Variants in ARHGAP22 observed in about 807,000 individuals in gnomAD.
ARHGAP22 encodes the protein Rho GTPase activating protein 22.
Under a neutral mutation model 59.1 loss-of-function variants are expected in ARHGAP22, and 48 were observed. That is an observed-to-expected ratio of 0.81 (90% CI 0.64 to 1.03). The LOEUF is 1.03. ARHGAP22 is among the 50% of genes least tolerant of loss of function. ARHGAP22 has a pLI of 0.00. For missense variants in ARHGAP22, 1,015 were observed against 958.7 expected (o/e 1.06, Z -0.78); for synonymous variants, 445 against 416.4 (o/e 1.07, Z -0.84).
chr10:48,618,302 C>G (rs763498928), intron 1 of ARHGAP22, among the ~76,000 whole-genome samples: 3 of 151,894 alleles, frequency 2.0e-5, no homozygotes, highest in Non-Finnish European at 2.9e-5. Context: ...TTAAACTATT[C>G]CAGAAAATAC....
chr10:48,456,055 G>A (rs60090533), intron 5 of ARHGAP22, among the ~76,000 whole-genome samples: 14,059 of 152,146 alleles, frequency 0.092, 735 homozygotes, highest in Middle Eastern at 0.23. Context: ...TCCTGTGTGG[G>A]GTCTGCAGTT....
chr10:48,530,329 T>C (rs1331469792), intron 3 of ARHGAP22, among the ~76,000 whole-genome samples: 1 of 150,172 alleles, frequency 6.7e-6, no homozygotes, highest in Non-Finnish European at 1.5e-5. Context: ...AAGATAACAT[T>C]GGAAAAACCC....
At chr10:48,517,408 G>A (rs1385768305) in intron 3 of ARHGAP22, among the ~76,000 whole-genome samples, 1 of 152,158 alleles carries the variant, frequency 6.6e-6, no homozygotes, top group African/African-American at 2.4e-5. Flanking sequence ...TTTCATTGAG[G>A]TGTTCCCCAT....
At chr10:48,437,910 TA>T in the ARHGAP22 span, 2 of 152,202 alleles carry the variant, frequency 1.3e-5, no homozygotes, top group African/African-American at 4.8e-5. Context: ...CTGTGTTGTC[TA>T]AAAGATGGAG....
chr10:48,507,131 G>A (rs966663206), intron 3 of ARHGAP22, among the ~76,000 whole-genome samples: 12 of 152,228 alleles, frequency 7.9e-5, no homozygotes, highest in African/African-American at 2.4e-4. Flanking sequence ...TGCAGAGCCA[G>A]AAAAGCTGCC....
At chr10:48,593,621 G>C (rs547115411) in intron 1 of ARHGAP22, among the ~76,000 whole-genome samples, 6 of 152,354 alleles carry the variant, frequency 3.9e-5, no homozygotes, top group Admixed American at 3.3e-4. Flanking sequence ...AGCTTAGACA[G>C]TGTGAAGATG....
At chr10:48,513,456 G>A (rs1443008175) in intron 3 of ARHGAP22, among the ~76,000 whole-genome samples, 1 of 152,226 alleles carries the variant, frequency 6.6e-6, no homozygotes, top group Non-Finnish European at 1.5e-5. Flanking sequence ...AGCAATGGAA[G>A]TGTGCGCCAA....
At chr10:48,574,266 A>T (rs1289055656) in intron 2 of ARHGAP22, among the ~76,000 whole-genome samples, 9 of 152,204 alleles carry the variant, frequency 5.9e-5, no homozygotes, top group Non-Finnish European at 1.2e-4. Flanking sequence ...TTATTCAAGT[A>T]AGCACCCAAT....
At chr10:48,519,915 G>A (rs902142431) in intron 3 of ARHGAP22, among the ~76,000 whole-genome samples, 6 of 152,314 alleles carry the variant, frequency 3.9e-5, no homozygotes, top group African/African-American at 1.2e-4. Context: ...CTCCAGAGCT[G>A]TGGGTGGATG....
chr10:48,583,491 C>G (rs187189763), intron 1 of ARHGAP22, among the ~76,000 whole-genome samples: 8 of 152,356 alleles, frequency 5.3e-5, no homozygotes, highest in Admixed American at 2.6e-4. Context: ...ACCTGTTCAT[C>G]CACGGATTCA....
Position 48,450,186 on chromosome 10 carries a change from G to A in ARHGAP22, c.1868+75C>T, listed in dbSNP as rs1329432257. On this transcript the variant is annotated intron_variant, in intron 9 of 9. Transcript: ENST00000249601. The stretch of plus-strand genomic sequence containing the variant: ...AGCGGCCCAGAGGTTAGGGGCCGAC[G>A]CCCATGTGCCAAGAGCACGGCTCTC... The A allele has an allele frequency of 1.4e-5, 21 of 1,539,174 alleles. No homozygotes were observed. In the East Asian group the frequency reaches 4.1e-4, roughly 30 times the overall value.
chr10:48,519,764 T>C (rs1251414867), intron 3 of ARHGAP22, among the ~76,000 whole-genome samples: 1 of 151,706 alleles, frequency 6.6e-6, no homozygotes, highest in East Asian at 1.9e-4. Flanking sequence ...TGAGAGGAAG[T>C]GGTGTGGTGC....
intron 1 of ARHGAP22, among the ~76,000 whole-genome samples, chr10:48,635,645 T>A (rs1253269754): frequency 6.6e-6 from 1 of 152,226 alleles, no homozygotes; most frequent in Non-Finnish European, 1.5e-5. Context: ...TCTGCACTCT[T>A]CCCAGAGTCC....
At chr10:48,533,715 T>C (rs1030621729) in intron 3 of ARHGAP22, among the ~76,000 whole-genome samples, 3 of 152,256 alleles carry the variant, frequency 2.0e-5, no homozygotes, top group African/African-American at 7.2e-5. Context: ...CGTAAATGAA[T>C]GAGTGTGGTT....
At chr10:48,463,072 T>A (rs1341848760) in intron 4 of ARHGAP22, among the ~76,000 whole-genome samples, 1 of 152,266 alleles carries the variant, frequency 6.6e-6, no homozygotes, top group Non-Finnish European at 1.5e-5. Flanking sequence ...AGATTTCATA[T>A]ACAAATCTGG....
chr10:48,491,563 T>A (rs1480778474), intron 3 of ARHGAP22, among the ~76,000 whole-genome samples: 1 of 152,242 alleles, frequency 6.6e-6, no homozygotes, highest in Non-Finnish European at 1.5e-5. Flanking sequence ...ACTCTGTCTA[T>A]TTTATAGGCA....
At chr10:48,506,312 C>T (rs2052134037) in intron 3 of ARHGAP22, among the ~76,000 whole-genome samples, 1 of 152,210 alleles carries the variant, frequency 6.6e-6, no homozygotes, top group Non-Finnish European at 1.5e-5. Context: ...CACACCCAAG[C>T]TCTATGGTAC....
chr10:48,524,404 C>T (rs1402605592), intron 3 of ARHGAP22, among the ~76,000 whole-genome samples: 1 of 151,902 alleles, frequency 6.6e-6, no homozygotes, highest in Non-Finnish European at 1.5e-5. Context: ...CCCTCGCCGG[C>T]GCCCTCCCCA....
intron 1 of ARHGAP22, among the ~76,000 whole-genome samples, chr10:48,596,895 C>T (rs2060099412): frequency 6.6e-6 from 1 of 152,152 alleles, no homozygotes. Context: ...TCTCACACCA[C>T]ACACCTGGGT....
Sources: allele counts gnomAD v4.1 joint callset (sites outside exome capture counted in the v4.1 genomes callset), GRCh38; gene constraint gnomAD v4.1.1; transcripts MANE v1.5; gene names NCBI Gene and HGNC (gene_info 2026-07-23, HGNC 2026-07-21).